The following STS variants were observed in gnomAD, a reference collection of about 807,000 sequenced individuals.
STS encodes the protein steroid sulfatase, also known as steryl-sulfatase.
A neutral mutation model predicts 26.8 loss-of-function variants in STS; 7 were observed. The ratio of observed to expected loss-of-function variants is 0.26; its 90% confidence interval spans 0.15 to 0.49. STS has a LOEUF of 0.49. Among genes scored for constraint, STS ranks in the 20% least tolerant of loss-of-function variants. STS has a pLI of 0.98. For missense variants in STS, 434 were observed against 465.6 expected (o/e 0.93, Z 0.63); for synonymous variants, 199 against 189.4 (o/e 1.05, Z -0.42).
chrX:7,218,153 A>G (rs1921387310), intron 2 of STS, among the ~76,000 whole-genome samples: 1 of 112,486 alleles, frequency 8.9e-6, no homozygotes, highest in East Asian at 2.8e-4. Flanking sequence ...CTTGACATCA[A>G]GCTGGAAGTG....
At chrX:7,151,403 C>G (rs778453094) in intron 1 of STS, among the ~76,000 whole-genome samples, 49 of 112,185 alleles carry the variant, frequency 4.4e-4, no homozygotes, top group Non-Finnish European at 8.1e-4. Context: ...GACCAGAAAG[C>G]TCTGACTTCA....
intron 2 of STS, among the ~76,000 whole-genome samples, chrX:7,205,580 GGTTTT>G (rs1934200990): frequency 1.2e-5 from 1 of 81,654 alleles, no homozygotes; most frequent in African/African-American, 5.6e-5. Flanking sequence ...GAAATTATTT[GGTTTT>G]CTTTTTCTTT....
chrX:7,199,403 T>C (rs760399444), intron 2 of STS, among the ~76,000 whole-genome samples: 1 of 112,282 alleles, frequency 8.9e-6, no homozygotes, highest in Non-Finnish European at 1.9e-5. Flanking sequence ...TCTATCTCTA[T>C]TTTATTAAAA....
chrX:7,288,220 C>A (rs1925236741), intron 7 of STS, among the ~76,000 whole-genome samples: 1 of 107,440 alleles, frequency 9.3e-6, no homozygotes, highest in Admixed American at 1.0e-4. Flanking sequence ...GTAGTTAAAC[C>A]TTCATGATGT....
chrX:7,259,810 A>C (rs767850522), intron 6 of STS, 38 bp downstream of exon 6: 1 of 1,189,171 alleles, frequency 8.4e-7, no homozygotes, highest in East Asian at 3.0e-5. Context: ...GCCTGTTAAA[A>C]AACATTCTGG....
At chrX:7,153,139 C>T (rs1933053399) in intron 1 of STS, among the ~76,000 whole-genome samples, 1 of 111,832 alleles carries the variant, frequency 8.9e-6, no homozygotes, top group Non-Finnish European at 1.9e-5. Flanking sequence ...CAGGCTTCAT[C>T]ACACCCCACC....
intron 1 of STS, among the ~76,000 whole-genome samples, chrX:7,163,056 CAA>C (rs60006129): frequency 3.5e-3 from 259 of 74,927 alleles, no homozygotes; most frequent in African/African-American, 0.013. Flanking sequence ...GACTCCGTCT[CAA>C]AAAAAAAAAA....
At chrX:7,295,568 T>C (rs1355556419) in intron 7 of STS, among the ~76,000 whole-genome samples, 1 of 110,934 alleles carries the variant, frequency 9.0e-6, no homozygotes, top group Non-Finnish European at 1.9e-5. Context: ...AAGCAGATAT[T>C]TGCATCATCT....
At chrX:7,265,007 AC>A (rs1265791471) in intron 6 of STS, among the ~76,000 whole-genome samples, 1 of 90,201 alleles carries the variant, frequency 1.1e-5, no homozygotes, top group Non-Finnish European at 2.1e-5. Flanking sequence ...AATATTTTCT[AC>A]CCCATTTTAT....
At chrX:7,148,321 G>A (rs1489413068) in intron 1 of STS, 8 of 260,564 alleles carry the variant, frequency 3.1e-5, no homozygotes, top group Non-Finnish European at 5.5e-5. Flanking sequence ...CGCCGCAGCT[G>A]TAGCTGCAGA....
At chrX:7,336,459 C>T (rs749861556) in intron 10 of STS, among the ~76,000 whole-genome samples, 1 of 112,005 alleles carries the variant, frequency 8.9e-6, no homozygotes, top group Non-Finnish European at 1.9e-5. Flanking sequence ...ACAGAAATCA[C>T]ACCAGGTTTA....
intron 3 of STS, among the ~76,000 whole-genome samples, chrX:7,255,814 A>G (rs1434749683): frequency 1.8e-5 from 2 of 112,444 alleles, no homozygotes; most frequent in Non-Finnish European, 3.8e-5. Flanking sequence ...TAAATTAATA[A>G]ATGGTCACTA....
chrX:7,236,352 A>G (rs1922309112), intron 2 of STS, among the ~76,000 whole-genome samples: 1 of 111,994 alleles, frequency 8.9e-6, no homozygotes, highest in Non-Finnish European at 1.9e-5. Context: ...AAACCTCCTT[A>G]CTGCCTGTGG....
At chrX:7,295,594 T>TTTATAATATA (rs1925624677) in intron 7 of STS, among the ~76,000 whole-genome samples, 1 of 111,055 alleles carries the variant, frequency 9.0e-6, no homozygotes, top group Non-Finnish European at 1.9e-5. Context: ...TTTTTATTAC[T>TTTATAATATA]AGCTCACCTT....
chrX:7,188,095 G>T (rs1601637852), intron 1 of STS, among the ~76,000 whole-genome samples: 1 of 112,201 alleles, frequency 8.9e-6, no homozygotes, highest in East Asian at 2.8e-4. Context: ...TTTATCAGAA[G>T]AGACTTATTT....
intron 1 of STS, among the ~76,000 whole-genome samples, chrX:7,187,316 G>T (rs191853517): frequency 2.0e-3 from 222 of 112,059 alleles, no homozygotes; most frequent in African/African-American, 6.7e-3. Flanking sequence ...GTGGTTTTCA[G>T]TGCTTACTTC....
intron 2 of STS, chrX:7,252,438 C>A: frequency 4.5e-6 from 1 of 221,759 alleles, no homozygotes; most frequent in Non-Finnish European, 6.6e-6. Flanking sequence ...TGTTGAGCAA[C>A]CTCCTCATAT....
chrX:7,294,464 G>A (rs1232798175), intron 7 of STS, among the ~76,000 whole-genome samples: 1 of 111,025 alleles, frequency 9.0e-6, no homozygotes, highest in East Asian at 2.8e-4. Context: ...GTACATGAGA[G>A]CATCTGAATA....
At chrX:7,160,831 C>A (rs1355675827) in intron 1 of STS, among the ~76,000 whole-genome samples, 1 of 111,674 alleles carries the variant, frequency 9.0e-6, no homozygotes, top group Non-Finnish European at 1.9e-5. Context: ...ATGTATGTAT[C>A]CTAAAGAGTG....
Sources: gnomAD v4.1 joint callset for allele counts (sites outside exome capture counted in the v4.1 genomes callset) on GRCh38, gnomAD v4.1.1 for gene constraint, MANE v1.5 for transcripts, NCBI Gene and HGNC (gene_info 2026-07-23, HGNC 2026-07-21) for gene names.